SIK3: variants seen among roughly 807,000 people sequenced by gnomAD.
The protein encoded by SIK3 is serine/threonine-protein kinase SIK3.
A neutral mutation model predicts 144.2 loss-of-function variants in SIK3; 28 were observed. The observed-to-expected ratio is 0.19, with a 90% confidence interval of 0.14 to 0.27. The LOEUF is 0.27. Among genes scored for constraint, SIK3 ranks in the 10% least tolerant of loss-of-function variants. The pLI, the probability that SIK3 is intolerant of heterozygous loss-of-function variation, is 1.00. For synonymous variants in SIK3, 686 were observed against 676.3 expected, an observed-to-expected ratio of 1.01 and a Z score of -0.22; for missense variants, 1,319 against 1,776.0, an observed-to-expected ratio of 0.74 and a Z score of 4.62.
chr11:117,009,609 T>C (rs369421727), intron 1 of SIK3, among the ~76,000 whole-genome samples: 1 of 152,110 alleles, frequency 6.6e-6, no homozygotes. Flanking sequence ...TCAAGATTTA[T>C]TGTTTAAAAT....
At chr11:117,002,061 A>G (rs1950871635) in intron 1 of SIK3, among the ~76,000 whole-genome samples, 1 of 152,210 alleles carries the variant, frequency 6.6e-6, no homozygotes, top group Non-Finnish European at 1.5e-5. Context: ...GGTCTTAAGA[A>G]ACCATTTGCA....
At chr11:116,878,787 GT>G (rs1944396452) in intron 6 of SIK3, among the ~76,000 whole-genome samples, 1 of 152,130 alleles carries the variant, frequency 6.6e-6, no homozygotes, top group South Asian at 2.1e-4. Flanking sequence ...TTTTTTGTTT[GT>G]TTTTTCCTTT....
intron 1 of SIK3, among the ~76,000 whole-genome samples, chr11:117,025,563 A>T (rs1472230990): frequency 6.8e-6 from 1 of 146,832 alleles, no homozygotes; most frequent in African/African-American, 2.5e-5. Flanking sequence ...GGAGTAGCTG[A>T]GACCACAGGC....
intron 1 of SIK3, among the ~76,000 whole-genome samples, chr11:117,032,609 C>T (rs1364442510): frequency 2.0e-5 from 3 of 151,906 alleles, no homozygotes; most frequent in Admixed American, 6.6e-5. Flanking sequence ...CGGGCTCAAG[C>T]AATCCTCCTA....
intron 1 of SIK3, among the ~76,000 whole-genome samples, chr11:117,023,621 A>ATATATATATATATATAT (rs1555131640): frequency 6.3e-5 from 6 of 95,402 alleles, no homozygotes; most frequent in East Asian, 3.1e-4. Flanking sequence ...AAAAAAAAAA[A>ATATATATATATATATAT]ATATATATAT....
At chr11:116,902,037 A>G (rs1565430571) in intron 4 of SIK3, among the ~76,000 whole-genome samples, 1 of 152,234 alleles carries the variant, frequency 6.6e-6, no homozygotes, top group African/African-American at 2.4e-5. Flanking sequence ...AACCTTCACC[A>G]GGTCCTTTTC....
intron 1 of SIK3, among the ~76,000 whole-genome samples, chr11:117,087,873 T>TG (rs1226254945): frequency 2.6e-5 from 4 of 151,892 alleles, no homozygotes; most frequent in Non-Finnish European, 4.4e-5. Context: ...ATTTGTAAAG[T>TG]GAAAAACTAG....
chr11:117,060,597 CAAA>C (rs367663538), intron 1 of SIK3, among the ~76,000 whole-genome samples: 1 of 96,892 alleles, frequency 1.0e-5, no homozygotes. Flanking sequence ...AACTCCATCT[CAAA>C]AAAAAAAAAA....
In SIK3 at chr11:116,846,031, C is replaced by T. The variant is rs1438175649; in HGVS notation, c.*13+352G>A. ...TTAGGACTGAGTTTAAGGACTTCCT[C>T]CTTTCCTCATTATGCTGACCGGAGG... On this transcript the variant is annotated intron_variant, in intron 24 of 24. Coordinates refer to ENST00000445177, the MANE Select transcript of SIK3 (RefSeq NM_001366686.3). This position sits in a 1 kb window ranked among gnomAD's most constrained non-coding sequence, Gnocchi z 4.1. Among the ~76,000 whole-genome samples, 1 of 152,184 alleles carries T rather than the reference C, an allele frequency of 6.6e-6. No homozygotes were observed. Among genetic ancestry groups the T allele is most frequent in the East Asian group, 1.9e-4 (1 of 5,192 alleles).
intron 1 of SIK3, among the ~76,000 whole-genome samples, chr11:117,058,685 T>C (rs140635181): frequency 6.3e-4 from 96 of 152,200 alleles, no homozygotes; most frequent in African/African-American, 2.2e-3. Flanking sequence ...TGTGGAAAGA[T>C]TTAGAAAGAA....
chr11:116,987,316 A>G (rs1950355807), intron 1 of SIK3, among the ~76,000 whole-genome samples: 2 of 102,376 alleles, frequency 2.0e-5, no homozygotes, highest in South Asian at 6.2e-4. Flanking sequence ...GTCTTCATAA[A>G]AGATTAAAAA....
chr11:116,937,308 G>A (rs966947423), intron 3 of SIK3, among the ~76,000 whole-genome samples: 1 of 152,150 alleles, frequency 6.6e-6, no homozygotes, highest in Non-Finnish European at 1.5e-5. Flanking sequence ...GGTTACTTAC[G>A]GAAAAGGTGT....
intron 4 of SIK3, among the ~76,000 whole-genome samples, chr11:116,901,407 C>T (rs2134831914): frequency 6.6e-6 from 1 of 152,322 alleles, no homozygotes; most frequent in African/African-American, 2.4e-5. Context: ...AGAGCCTCTG[C>T]CTCCTAGCTG....
chr11:116,928,771 A>C (rs1386128190), intron 3 of SIK3, among the ~76,000 whole-genome samples: 1 of 152,230 alleles, frequency 6.6e-6, no homozygotes, highest in Non-Finnish European at 1.5e-5. Context: ...TACTGTAGTC[A>C]CTTTAAGAAC....
intron 1 of SIK3, among the ~76,000 whole-genome samples, chr11:116,958,937 T>C (rs7120173): frequency 1.3e-5 from 2 of 152,122 alleles, no homozygotes; most frequent in Admixed American, 6.5e-5. Context: ...CTAGAACAAA[T>C]AGCTTGGTCT....
rs529132160 is a variant in SIK3 at position 117,080,361 on chromosome 11, C to G, written c.273+17782G>C. ...GATTTTAAGCACTCATACTTTGATC[C>G]AAGCATTCCACTTCTAGTAAATTAT... On this transcript the variant is annotated intron_variant, in intron 1 of 24. Coordinates refer to ENST00000445177, the MANE Select transcript of SIK3 (RefSeq NM_001366686.3). Among the ~76,000 whole-genome samples the G allele has an allele frequency of 3.9e-5, 6 of 152,202 alleles. 1 individual carries two copies. Among genetic ancestry groups the G allele is most frequent in the African/African-American group, 1.4e-4 (6 of 41,536 alleles).
intron 1 of SIK3, among the ~76,000 whole-genome samples, chr11:116,999,730 TC>T (rs1202933734): frequency 2.6e-5 from 4 of 152,220 alleles, no homozygotes; most frequent in Non-Finnish European, 5.9e-5. Flanking sequence ...CAGCCCATTT[TC>T]ATTTGTTTTC....
chr11:117,053,273 G>A (rs1161207467), intron 1 of SIK3, among the ~76,000 whole-genome samples: 10 of 151,432 alleles, frequency 6.6e-5, no homozygotes, highest in Non-Finnish European at 1.3e-4. Flanking sequence ...GGAGGCGGAG[G>A]TCACAGTGAG....
intron 4 of SIK3, among the ~76,000 whole-genome samples, chr11:116,907,963 AG>A (rs975834159): frequency 1.1e-4 from 17 of 150,458 alleles, no homozygotes; most frequent in African/African-American, 4.1e-4. Context: ...CTAATGTGAA[AG>A]GTAAAACTAT....
Sources: gnomAD v4.1 joint callset for allele counts (sites outside exome capture counted in the v4.1 genomes callset) on GRCh38, gnomAD v4.1.1 for gene constraint, Gnocchi (gnomAD v3.1) non-coding constraint, MANE v1.5 for transcripts, NCBI Gene and HGNC (gene_info 2026-07-23, HGNC 2026-07-21) for gene names.